The following SUCO variants were observed in gnomAD, a reference collection of about 807,000 sequenced individuals.
SUCO encodes the protein SUN domain containing ossification factor.
Under a neutral mutation model 148.1 loss-of-function variants are expected in SUCO, and 57 were observed. That is an observed-to-expected ratio of 0.38 (90% confidence interval 0.31 to 0.48). The LOEUF (loss-of-function observed/expected upper bound fraction) is 0.48. Ranked by LOEUF, SUCO falls within the 20% of genes least tolerant of loss-of-function variation. SUCO has a pLI of 0.96. For synonymous variants in SUCO, 470 were observed against 502.7 expected, an observed-to-expected ratio of 0.93 and a Z score of 0.87; for missense variants, 1,331 against 1,468.2, an observed-to-expected ratio of 0.91 and a Z score of 1.53.
chr1:172,539,748 A>G (rs1383706006), intron 1 of SUCO, among the ~76,000 whole-genome samples: 1 of 152,212 alleles, frequency 6.6e-6, no homozygotes, highest in Non-Finnish European at 1.5e-5. Context: ...GACTCTAGCT[A>G]CTTTGGTAAT....
At position 172,610,936 on chromosome 1, in the gene SUCO, C is replaced by T. The variant is rs1658175064; in HGVS notation, c.*677C>T. The T allele has an allele frequency of 6.6e-6, 1 of 152,480 alleles. No homozygotes were observed. Among genetic ancestry groups the T allele is most frequent in the Non-Finnish European group, 1.5e-5 (1 of 68,028 alleles). The allele number at this position is 152,480 out of a possible 1,614,324, so 9.4% of individuals were successfully genotyped here. A position where few individuals can be genotyped will look rare whatever the true frequency, so the allele number is the denominator to read the frequency against. The stretch of plus-strand genomic sequence containing the variant: ...GGATTACTTCTTACTTAGTTACTAA[C>T]TCAATGAGGAAAAATCCCTACAGGA... On this transcript the variant is annotated 3_prime_UTR_variant, in exon 24 of 24. Transcript: ENST00000263688.
At position 172,553,367 on chromosome 1, in the gene SUCO, A is replaced by G; in HGVS notation, c.285A>G (p.Val95=). The change falls in exon 3 of 24, where the codon GTA becomes GTG. Residue 95 remains valine, a synonymous_variant. Coordinates refer to ENST00000263688, the MANE Select transcript of SUCO (RefSeq NM_014283.5). ...HKLKDDSIVD[V]QNTESKKLSP... ...TAAAAGATGATTCTATTGTGGATGT[A>G]CAAGTAAGCTATGTCGCTTTGATTT... The G allele has an allele frequency of 6.3e-7, 1 of 1,579,898 alleles. No homozygotes were observed. The highest frequency in any genetic ancestry group is 1.4e-5 in the African/African-American group (1 of 74,044).
rs759634310 is a variant in SUCO, at chr1:172,609,144, C to T, written c.3321+342C>T. 2.3e-4 allele frequency: 147 copies of T among 634,802 alleles called. 2 individuals are homozygous for T. Among genetic ancestry groups the T allele is most frequent in the Admixed American group, 1.3e-4 (2 of 15,744 alleles). 39.3% of individuals were successfully genotyped at this position (634,802 alleles called of 1,614,324 possible). Reference sequence around the variant, plus strand: ...TTGGATGATTGTCATTATTTATTACCGAATGCATGCCAAGCACAGAGCATG... The same window carrying T: ...TTGGATGATTGTCATTATTTATTACTGAATGCATGCCAAGCACAGAGCATG... On this transcript the variant is annotated intron_variant, in intron 23 of 23. Transcript: ENST00000263688.
At chr1:172,582,781 A>G (rs1437329795) in intron 15 of SUCO, among the ~76,000 whole-genome samples, 1 of 152,166 alleles carries the variant, frequency 6.6e-6, no homozygotes, top group African/African-American at 2.4e-5. Flanking sequence ...TTTAGGTTAA[A>G]TGGGCTGAGA....
At chr1:172,558,683 C>CT (rs1397764956) in intron 6 of SUCO, among the ~76,000 whole-genome samples, 4 of 152,182 alleles carry the variant, frequency 2.6e-5, no homozygotes, top group Admixed American at 2.0e-4. Flanking sequence ...ATTTCATAGT[C>CT]TAACATCTTG....
In SUCO at chr1:172,590,382, T is replaced by C. The variant is rs991885766; in HGVS notation, c.2825+456T>C. ...GATTGGGCACATTTGCAGTTTGCTC[T>C]CTTTTAAACAGGTCTCGGCATCCTA... On this transcript the variant is annotated intron_variant, in intron 18 of 23. Coordinates refer to ENST00000263688, the MANE Select transcript of SUCO (RefSeq NM_014283.5). 5 of 984,788 alleles carry C rather than the reference T, an allele frequency of 5.1e-6. No homozygotes were observed. In the African/African-American group the frequency reaches 8.7e-5, roughly 17 times the overall value. The allele number at this position is 984,788 out of a possible 1,614,324, so 61.0% of individuals were successfully genotyped here.
rs115406795 is a variant in SUCO at position 172,551,540 on chromosome 1, G to A, written c.91G>A (p.Glu31Lys). 8.1e-6 allele frequency: 13 copies of A among 1,610,380 alleles called. No homozygotes were observed. In the East Asian group the frequency reaches 2.9e-4, roughly 36 times the overall value. Reference protein sequence around the residue: ...WLPSWRVCCKESSSASASSYY... With the variant: ...WLPSWRVCCKKSSSASASSYY... The stretch of plus-strand genomic sequence containing the variant: ...TCCCAGCTGGCGTGTATGTTGTAAA[G>A]AGAGTTCTTCAGCTTCAGCGTCATC... Residue 31 changes from glutamate to lysine, a missense_variant, in exon 2 of 24, where the codon GAG becomes AAG. Physicochemically the swap from Glu to Lys is moderately conservative, Grantham distance 56 (BLOSUM62 1). This residue lies in a region of SUCO where 992 missense variants were observed against 1,093.5 expected (regional missense o/e 0.91). Coordinates refer to ENST00000263688, the MANE Select transcript of SUCO (RefSeq NM_014283.5).
At chr1:172,608,136 C>T in intron 22 of SUCO, 1 of 959,430 alleles carries the variant, frequency 1.0e-6, no homozygotes, top group Non-Finnish European at 1.2e-6. Flanking sequence ...CTAATTTACT[C>T]ACTATGCCAG....
At chr1:172,562,340 T>A (rs1348062519) in intron 6 of SUCO, among the ~76,000 whole-genome samples, 7 of 150,694 alleles carry the variant, frequency 4.6e-5, no homozygotes, top group Admixed American at 2.0e-4. Context: ...TTTTTTTTTT[T>A]TTTTTTTATT....
At position 172,573,903 on chromosome 1, in the gene SUCO, A is replaced by G; in HGVS notation, c.1062A>G (p.Glu354=). ...PCSTKIWFVI[E]LCEPIQVKQL... is the part of the protein sequence containing the mutation. ...GTTCTTTTTGAAGGTTTGTTATTGAACTTTGTGAACCAATTCAAGTAAAAC... is the reference window on the plus strand; with the variant it reads ...GTTCTTTTTGAAGGTTTGTTATTGAGCTTTGTGAACCAATTCAAGTAAAAC... Residue 354 remains glutamate, a synonymous_variant, in exon 10 of 24, where the codon GAA becomes GAG. Transcript: ENST00000263688. 1 of 1,579,820 alleles carries G rather than the reference A, an allele frequency of 6.3e-7. No individual in the cohort carries two copies. Among genetic ancestry groups the G allele is most frequent in the Non-Finnish European group, 8.7e-7 (1 of 1,152,864 alleles).
chr1:172,594,189 T>C (rs1656898335), intron 19 of SUCO, among the ~76,000 whole-genome samples: 1 of 152,068 alleles, frequency 6.6e-6, no homozygotes, highest in African/African-American at 2.4e-5. Context: ...GTCTTGCTAG[T>C]GGTCTATCAA....
intron 6 of SUCO, among the ~76,000 whole-genome samples, chr1:172,560,887 A>G (rs1654100327): frequency 6.6e-6 from 1 of 152,214 alleles, no homozygotes; most frequent in African/African-American, 2.4e-5. Context: ...TGGGGCACAA[A>G]TGGAGACCCT....
intron 1 of SUCO, among the ~76,000 whole-genome samples, chr1:172,542,469 G>A (rs959280382): frequency 1.3e-5 from 2 of 152,170 alleles, no homozygotes; most frequent in Admixed American, 1.3e-4. Flanking sequence ...CTGCTCCGTG[G>A]TCTGTTAGGA....
chr1:172,582,554 A>G (rs1055772678), intron 15 of SUCO, among the ~76,000 whole-genome samples: 3 of 152,118 alleles, frequency 2.0e-5, no homozygotes, highest in Non-Finnish European at 1.5e-5. Context: ...AATCCAGGAG[A>G]AATTAGGGAT....
chr1:172,557,604 T>C (rs752801742), intron 5 of SUCO, 40 bp from the exon 6 acceptor site: 2 of 1,529,078 alleles, frequency 1.3e-6, no homozygotes, highest in Non-Finnish European at 1.8e-6. Context: ...TGTTATCCAG[T>C]AAAATCTGTT....
At chr1:172,574,533 C>T (rs1439932015) in intron 10 of SUCO, among the ~76,000 whole-genome samples, 1 of 151,738 alleles carries the variant, frequency 6.6e-6, no homozygotes, top group African/African-American at 2.4e-5. Flanking sequence ...CCAGAGATAG[C>T]CCTTATTAGC....
At chr1:172,555,028 G>C (rs146758351) in intron 3 of SUCO, among the ~76,000 whole-genome samples, 3 of 151,838 alleles carry the variant, frequency 2.0e-5, no homozygotes, top group African/African-American at 4.8e-5. Context: ...ATAGTCCTTA[G>C]TTTCTTTTTC....
chr1:172,556,535 AC>A, intron 4 of SUCO: 2 of 910,984 alleles, frequency 2.2e-6, no homozygotes, highest in South Asian at 5.1e-5. Context: ...AGTCCAAAGA[AC>A]AAAACAAAAT....
chr1:172,551,435 T>C lies in SUCO; in HGVS notation c.63-77T>C, dbSNP rs536189965. On this transcript the variant is annotated intron_variant, in intron 1 of 23. Transcript: ENST00000263688. ...CCTCAAATTCTAGCCCATATAGAAA[T>C]ATGTTGACTTAACAACTTTTCTTCT... 3.8e-4 allele frequency: 320 copies of C among 833,186 alleles called. 1 individual carries two copies. Among genetic ancestry groups the C allele is most frequent in the Admixed American group, 7.5e-4 (27 of 35,918 alleles). The allele number at this position is 833,186 out of a possible 1,614,324, so 51.6% of individuals were successfully genotyped here. A position where few individuals can be genotyped will look rare whatever the true frequency, so the allele number is the denominator to read the frequency against.
Sources: gnomAD v4.1 joint callset for allele counts (sites outside exome capture counted in the v4.1 genomes callset) on GRCh38, gnomAD v4.1.1 for gene constraint, gnomAD v4.1.1 regional missense constraint, MANE v1.5 for transcripts, NCBI Gene and HGNC (gene_info 2026-07-23, HGNC 2026-07-21) for gene names.